Variants in GAN observed in about 807,000 individuals in gnomAD.
GAN encodes gigaxonin.
In GAN, 48 loss-of-function variants were observed where a neutral mutation model predicts 71.3. The ratio of observed to expected loss-of-function variants is 0.67; its 90% CI spans 0.53 to 0.86. The LOEUF (loss-of-function observed/expected upper bound fraction) is 0.86, where lower values mean the gene tolerates loss of function less well. Among genes scored for constraint, GAN ranks in the 40% least tolerant of loss-of-function variants. The probability of loss-of-function intolerance (pLI) is 0.00; values close to 1 mark genes in which losing one functional copy is unlikely to be tolerated. For synonymous variants in GAN, 386 were observed against 276.8 expected (o/e 1.39, Z -3.92); for missense variants, 928 against 770.1 (o/e 1.21, Z -2.43).
At chr16:81,348,006 A>T (rs1910176832) in intron 1 of GAN, among the ~76,000 whole-genome samples, 1 of 151,788 alleles carries the variant, frequency 6.6e-6, no homozygotes, top group Non-Finnish European at 1.5e-5. Context: ...TTCTTTTTTA[A>T]AAAATTATTT....
intron 5 of GAN, among the ~76,000 whole-genome samples, chr16:81,361,731 G>A (rs1169616472): frequency 2.0e-5 from 3 of 152,070 alleles, no homozygotes; most frequent in Non-Finnish European, 2.9e-5. Context: ...ATCTCACTTC[G>A]TTGCCCAGGC....
chr16:81,365,629 C>G, intron 9 of GAN, 151 bp downstream of exon 9: 1 of 780,072 alleles, frequency 1.3e-6, no homozygotes, highest in Non-Finnish European at 2.2e-6. Context: ...TATTCAGTGA[C>G]TTCACAAGTG....
At chr16:81,330,598 A>C (rs926471916) in intron 1 of GAN, among the ~76,000 whole-genome samples, 1 of 152,256 alleles carries the variant, frequency 6.6e-6, no homozygotes, top group Admixed American at 6.5e-5. Context: ...TTCAATTCGT[A>C]TATGTAGAAG....
intron 3 of GAN, among the ~76,000 whole-genome samples, chr16:81,355,698 G>A (rs891314930): frequency 6.6e-6 from 1 of 152,204 alleles, no homozygotes; most frequent in African/African-American, 2.4e-5. Context: ...TTATAAATAA[G>A]ACACTAGCTC....
intron 7 of GAN, among the ~76,000 whole-genome samples, chr16:81,364,600 G>C (rs1910787612): frequency 6.6e-6 from 1 of 152,164 alleles, no homozygotes; most frequent in Non-Finnish European, 1.5e-5. Flanking sequence ...GAGGCGGAAG[G>C]ATCTGTTGAG....
intron 9 of GAN, among the ~76,000 whole-genome samples, chr16:81,375,852 C>T (rs1230433908): frequency 1.3e-5 from 2 of 151,554 alleles, no homozygotes; most frequent in Non-Finnish European, 2.9e-5. Context: ...CACCTGTGGT[C>T]CCAACTATTT....
At chr16:81,331,641 C>T (rs985294527) in intron 1 of GAN, among the ~76,000 whole-genome samples, 8 of 152,204 alleles carry the variant, frequency 5.3e-5, no homozygotes, top group Admixed American at 1.3e-4. Flanking sequence ...CTCTTCCCCA[C>T]GTCCCACCCT....
intron 5 of GAN, among the ~76,000 whole-genome samples, chr16:81,358,156 G>C (rs1300634261): frequency 2.0e-5 from 3 of 152,124 alleles, no homozygotes; most frequent in Admixed American, 2.0e-4. Flanking sequence ...AGAACTACTG[G>C]AGAAGCAGTT....
In GAN at chr16:81,385,694, T is replaced by C. The variant is rs192109449; in HGVS notation, c.*8098T>C. 6 of 152,184 alleles carry C rather than the reference T, an allele frequency of 3.9e-5. No individual in the cohort carries two copies. Among genetic ancestry groups the C allele is most frequent in the South Asian group, 2.1e-4 (1 of 4,820 alleles). The allele number at this position is 152,184 out of a possible 1,614,324, so 9.4% of individuals were successfully genotyped here. The stretch of plus-strand genomic sequence containing the variant: ...CCTGCACTGAGTGTCCCAGGCCTTA[T>C]AGCTTTCCACATTCTCACGTCTGCT... On this transcript the variant is annotated 3_prime_UTR_variant, in exon 11 of 11. Transcript: ENST00000648994.
intron 1 of GAN, among the ~76,000 whole-genome samples, chr16:81,321,255 G>T (rs12447470): frequency 0.58 from 87,378 of 151,750 alleles, 27,374 homozygotes; most frequent in Middle Eastern, 0.75. Flanking sequence ...GAAGTGTGGG[G>T]TGTTCAGATT....
At chr16:81,348,660 G>C (rs541129621) in intron 1 of GAN, among the ~76,000 whole-genome samples, 1 of 152,326 alleles carries the variant, frequency 6.6e-6, no homozygotes, top group Admixed American at 6.5e-5. Context: ...CGTTTTCTGT[G>C]TATGATGTGA....
intron 1 of GAN, among the ~76,000 whole-genome samples, chr16:81,335,509 G>A (rs1488884689): frequency 1.3e-5 from 2 of 152,040 alleles, no homozygotes; most frequent in Non-Finnish European, 2.9e-5. Context: ...CACTTTGGGA[G>A]ACCAAGGTGG....
intron 1 of GAN, among the ~76,000 whole-genome samples, chr16:81,326,758 T>C (rs1022955891): frequency 5.9e-5 from 9 of 152,318 alleles, no homozygotes; most frequent in East Asian, 1.9e-4. Flanking sequence ...TACTGAACAC[T>C]GTAGGCAGTT....
intron 1 of GAN, among the ~76,000 whole-genome samples, chr16:81,324,073 T>A (rs1057347459): frequency 6.6e-6 from 1 of 152,232 alleles, no homozygotes; most frequent in Non-Finnish European, 1.5e-5. Flanking sequence ...GCTGTGTTTA[T>A]CAGAGTAGAA....
intron 5 of GAN, among the ~76,000 whole-genome samples, 156 bp from the exon 6 acceptor site, chr16:81,362,343 A>G (rs1414417386): frequency 1.3e-5 from 2 of 152,200 alleles, no homozygotes; most frequent in African/African-American, 4.8e-5. Context: ...TGGCTCCATC[A>G]CCAAGGATCC....
rs1449896721 is a variant in GAN at position 81,365,273 on chromosome 16, C to G, written c.1374-77C>G. ...CACGTAGTAATGCTGCAGAGTTAAACCAGCATAAGAGGAACGCGGGAGTGA... is the reference window on the plus strand; with the variant it reads ...CACGTAGTAATGCTGCAGAGTTAAAGCAGCATAAGAGGAACGCGGGAGTGA... On this transcript the variant is annotated intron_variant, in intron 8 of 10. Coordinates refer to ENST00000648994, the MANE Select transcript of GAN (RefSeq NM_022041.4). The G allele has an allele frequency of 8.2e-6, 13 of 1,592,982 alleles. No homozygotes were observed. The East Asian group carries it at 1.8e-4, about 22-fold the overall frequency.
intron 1 of GAN, among the ~76,000 whole-genome samples, chr16:81,342,657 G>T (rs905015524): frequency 9.2e-5 from 14 of 152,220 alleles, no homozygotes; most frequent in African/African-American, 2.4e-4. Flanking sequence ...TTTATAGCAC[G>T]AAATGCCCAC....
chr16:81,360,465 T>C (rs893686536), intron 5 of GAN, among the ~76,000 whole-genome samples: 17 of 152,202 alleles, frequency 1.1e-4, no homozygotes, highest in African/African-American at 3.4e-4. Context: ...AAAATTTTCT[T>C]ATTATTTTCC....
intron 9 of GAN, 21 bp from the exon 10 acceptor site, chr16:81,377,198 G>C: frequency 7.3e-7 from 1 of 1,366,570 alleles, no homozygotes; most frequent in Non-Finnish European, 1.0e-6. Flanking sequence ...CCTTAATTTT[G>C]TGCATGGGCT....
Sources: gnomAD v4.1 joint callset for allele counts (sites outside exome capture counted in the v4.1 genomes callset) on GRCh38, gnomAD v4.1.1 for gene constraint, MANE v1.5 for transcripts, NCBI Gene and HGNC (gene_info 2026-07-23, HGNC 2026-07-21) for gene names.